Variants in KDM5A observed in about 807,000 individuals in gnomAD.
The protein encoded by KDM5A is lysine demethylase 5A, also known as lysine-specific demethylase 5A.
Under a neutral mutation model 193.5 loss-of-function variants are expected in KDM5A, and 42 were observed. That is an observed-to-expected ratio of 0.22 (90% CI 0.17 to 0.28). The LOEUF is 0.28. Ranked by LOEUF, KDM5A falls within the 10% of genes least tolerant of loss-of-function variation. The pLI, the probability that KDM5A is intolerant of heterozygous loss-of-function variation, is 1.00. For synonymous variants in KDM5A, 796 were observed against 718.1 expected, an observed-to-expected ratio of 1.11 and a Z score of -1.73; for missense variants, 1,692 against 2,055.1, an observed-to-expected ratio of 0.82 and a Z score of 3.42.
chr12:331,601 G>A (rs997319533), intron 13 of KDM5A, among the ~76,000 whole-genome samples: 1 of 151,956 alleles, frequency 6.6e-6, no homozygotes, highest in Non-Finnish European at 1.5e-5. Flanking sequence ...AACAGAATGA[G>A]GAAAATAATA....
At position 307,011 on chromosome 12, in the gene KDM5A, C is replaced by T; in HGVS notation, c.4009G>A (p.Asp1337Asn). 6.2e-7 allele frequency: 1 copy of T among 1,613,970 alleles called. No homozygotes were observed. The highest frequency in any genetic ancestry group is 2.2e-5 in the East Asian group (1 of 44,872). ...SVSSSPRQTM[D>N]YDDEETDSDE... Reference sequence around the variant, plus strand: ...GAGTCTGTTTCTTCATCATCATAGTCCATTGTTTGTCGAGGAGAAGATGAC... The same window carrying T: ...GAGTCTGTTTCTTCATCATCATAGTTCATTGTTTGTCGAGGAGAAGATGAC... Residue 1337 changes from aspartate to asparagine, a missense_variant, in exon 24 of 28, where the codon GAC becomes AAC. Asp to Asn is a conservative substitution (Grantham distance 23, BLOSUM62 1). Transcript: ENST00000399788. The surrounding 1 kb of genome is among the most constrained non-coding windows in gnomAD (Gnocchi z 4.3).
chr12:365,308 C>T (rs534014019), intron 4 of KDM5A, among the ~76,000 whole-genome samples: 12 of 152,298 alleles, frequency 7.9e-5, no homozygotes, highest in Non-Finnish European at 1.8e-4. Context: ...CCCACCTCAG[C>T]CTCCCACAGT....
chr12:344,971 C>T (rs1944051780), intron 10 of KDM5A, among the ~76,000 whole-genome samples: 1 of 151,982 alleles, frequency 6.6e-6, no homozygotes, highest in Admixed American at 6.6e-5. Context: ...CATAGACTGG[C>T]AAATTGGAAA....
At chr12:302,201 G>A (rs1416668786) in intron 24 of KDM5A, among the ~76,000 whole-genome samples, 1 of 152,144 alleles carries the variant, frequency 6.6e-6, no homozygotes, top group African/African-American at 2.4e-5. Context: ...CCAAAAAAGA[G>A]CCCGCATTGC....
intron 10 of KDM5A, among the ~76,000 whole-genome samples, chr12:336,608 A>T (rs1446275262): frequency 1.3e-5 from 2 of 152,142 alleles, no homozygotes; most frequent in Non-Finnish European, 2.9e-5. Context: ...TGGGAGGCCG[A>T]AGCTGGTGGA....
At chr12:382,887 A>G (rs1053041352) in intron 3 of KDM5A, among the ~76,000 whole-genome samples, 2 of 151,860 alleles carry the variant, frequency 1.3e-5, no homozygotes, top group Admixed American at 1.3e-4. Flanking sequence ...AGCCAAGATC[A>G]GGCCATTGCA....
intron 3 of KDM5A, among the ~76,000 whole-genome samples, chr12:369,126 G>A (rs1433257580): frequency 2.6e-5 from 4 of 152,164 alleles, no homozygotes; most frequent in Non-Finnish European, 5.9e-5. Context: ...CATCTCTTTA[G>A]TTCTTCAGCT....
intron 18 of KDM5A, among the ~76,000 whole-genome samples, chr12:319,655 G>A (rs979835332): frequency 6.6e-6 from 1 of 152,196 alleles, no homozygotes; most frequent in Non-Finnish European, 1.5e-5. Flanking sequence ...TTGGGAGGCT[G>A]AGGTGGGAGG....
intron 13 of KDM5A, 64 bp from the exon 14 acceptor site, chr12:329,093 T>TAG: frequency 1.5e-6 from 2 of 1,372,142 alleles, no homozygotes; most frequent in Non-Finnish European, 2.1e-6. Flanking sequence ...GAACCACTAC[T>TAG]TACCCTCCAG....
In KDM5A at chr12:382,641, T is replaced by A. The variant is rs147418293; in HGVS notation, c.366+1390A>T. Among the ~76,000 whole-genome samples, 20 of 152,268 alleles carry A rather than the reference T, an allele frequency of 1.3e-4. No individual in the cohort carries two copies. The East Asian group carries it at 3.7e-3, about 28-fold the overall frequency. Reference sequence around the variant, plus strand: ...TGTATTATTGTAGTAACAAAACATATTTTAGCCGGGCGCGGTGGCTCACGC... The same window carrying A: ...TGTATTATTGTAGTAACAAAACATAATTTAGCCGGGCGCGGTGGCTCACGC... On this transcript the variant is annotated intron_variant, in intron 3 of 27. Coordinates refer to ENST00000399788, the MANE Select transcript of KDM5A (RefSeq NM_001042603.3).
intron 25 of KDM5A, among the ~76,000 whole-genome samples, chr12:296,248 G>A (rs1393003671): frequency 6.6e-6 from 1 of 151,354 alleles, no homozygotes; most frequent in Non-Finnish European, 1.5e-5. Context: ...CTTGAACTAG[G>A]CAGGGGGAGG....
chr12:366,587 G>T (rs1944359310), intron 3 of KDM5A, among the ~76,000 whole-genome samples: 1 of 152,164 alleles, frequency 6.6e-6, no homozygotes. Context: ...TGAAAAACAG[G>T]CTATAATTTT....
chr12:343,369 A>G (rs181431099), intron 10 of KDM5A, among the ~76,000 whole-genome samples: 242 of 152,340 alleles, frequency 1.6e-3, no homozygotes, highest in Admixed American at 3.5e-3. Flanking sequence ...AAGGCAGCAG[A>G]CAACTTCTGC....
At chr12:367,388 C>CA (rs950974176) in intron 3 of KDM5A, among the ~76,000 whole-genome samples, 10 of 151,828 alleles carry the variant, frequency 6.6e-5, no homozygotes, top group Non-Finnish European at 8.8e-5. Flanking sequence ...CCCATCTCTA[C>CA]AAAAAAATTT....
chr12:285,431 A>C lies in KDM5A; in HGVS notation c.*25T>G, dbSNP rs758168941. On this transcript the variant is annotated 3_prime_UTR_variant, in exon 28 of 28. Coordinates refer to ENST00000399788, the MANE Select transcript of KDM5A (RefSeq NM_001042603.3). Reference sequence around the variant, plus strand: ...GTCTCAATGTGGTCCATGTCCCCCCATGTCCCAAACTAACCAAGCATCTGC... The same window carrying C: ...GTCTCAATGTGGTCCATGTCCCCCCCTGTCCCAAACTAACCAAGCATCTGC... The C allele has an allele frequency of 6.3e-7, 1 of 1,598,968 alleles. No homozygotes were observed. The highest frequency in any genetic ancestry group is 1.7e-5 in the Admixed American group (1 of 59,924).
intron 13 of KDM5A, among the ~76,000 whole-genome samples, chr12:330,085 G>GTGTGTGTGTATATA (rs377271333): frequency 0.018 from 2,553 of 139,272 alleles, 37 homozygotes; most frequent in Middle Eastern, 0.029. Context: ...GTGTGTGTGT[G>GTGTGTGTGTATATA]TATATATATA....
chr12:299,313 C>G (rs1396348705), intron 24 of KDM5A, among the ~76,000 whole-genome samples: 2 of 152,158 alleles, frequency 1.3e-5, no homozygotes, highest in African/African-American at 4.8e-5. Context: ...GTCAAGTTAC[C>G]CACAAAGGGA....
At chr12:299,943 C>A (rs56083149) in intron 24 of KDM5A, among the ~76,000 whole-genome samples, 1 of 132,414 alleles carries the variant, frequency 7.6e-6, no homozygotes, top group East Asian at 2.5e-4. Flanking sequence ...AGAGACAAGG[C>A]CATTACATAA....
chr12:280,694 C>T lies in KDM5A; in HGVS notation c.*4762G>A, dbSNP rs932452234. 2.1e-5 allele frequency: 5 copies of T among 232,958 alleles called. No individual in the cohort carries two copies. The highest frequency in any genetic ancestry group is 1.1e-4 in the African/African-American group (5 of 45,318). 14.4% of individuals were successfully genotyped at this position (232,958 alleles called of 1,614,324 possible). ...TAAGAAGCCAAAGAGAAAGGGAAAG[C>T]ATTTCCTTGTTTTCCCTATTAATGG... is the stretch of plus-strand genomic sequence containing the variant. On this transcript the variant is annotated 3_prime_UTR_variant, in exon 28 of 28. Transcript: ENST00000399788.
Sources: allele counts gnomAD v4.1 joint callset (sites outside exome capture counted in the v4.1 genomes callset), GRCh38; gene constraint gnomAD v4.1.1; non-coding constraint Gnocchi (gnomAD v3.1); transcripts MANE v1.5; gene names NCBI Gene and HGNC (gene_info 2026-07-23, HGNC 2026-07-21).